Variants in DENND4C observed in about 807,000 individuals in gnomAD.
DENND4C encodes DENN domain-containing protein 4C.
Under a neutral mutation model 203.0 loss-of-function variants are expected in DENND4C, and 108 were observed. The observed-to-expected ratio is 0.53, with a 90% CI of 0.46 to 0.62. The LOEUF (loss-of-function observed/expected upper bound fraction) is 0.62, where lower values mean the gene tolerates loss of function less well. Ranked by LOEUF, DENND4C falls within the 20% of genes least tolerant of loss-of-function variation. The probability of loss-of-function intolerance (pLI) is 0.00; values close to 1 mark genes in which losing one functional copy is unlikely to be tolerated. For missense variants in DENND4C, 2,481 were observed against 2,301.2 expected, an observed-to-expected ratio of 1.08 and a Z score of -1.60; for synonymous variants, 871 against 792.4, an observed-to-expected ratio of 1.10 and a Z score of -1.67.
intron 12 of DENND4C, among the ~76,000 whole-genome samples, chr9:19,320,095 A>G (rs959985088): frequency 4.6e-5 from 7 of 152,346 alleles, no homozygotes; most frequent in Admixed American, 2.0e-4. Context: ...AAATTATTTT[A>G]GTAGCCACAA....
At chr9:19,266,462 A>G (rs1830522133) in intron 1 of DENND4C, among the ~76,000 whole-genome samples, 1 of 152,196 alleles carries the variant, frequency 6.6e-6, no homozygotes, top group African/African-American at 2.4e-5. Flanking sequence ...CTTTAGTTGA[A>G]TTAGATCCCA....
intron 12 of DENND4C, among the ~76,000 whole-genome samples, chr9:19,319,191 A>G (rs573960821): frequency 6.8e-6 from 1 of 147,874 alleles, no homozygotes; most frequent in South Asian, 2.1e-4. Flanking sequence ...GTATATATAT[A>G]CACGTATATA....
At chr9:19,246,891 C>G (rs1011082316) in intron 1 of DENND4C, among the ~76,000 whole-genome samples, 1 of 152,178 alleles carries the variant, frequency 6.6e-6, no homozygotes, top group Non-Finnish European at 1.5e-5. Flanking sequence ...ATTTCTCACA[C>G]ACACCTTTCC....
intron 2 of DENND4C, among the ~76,000 whole-genome samples, chr9:19,279,494 G>T (rs1203330216): frequency 6.6e-6 from 1 of 152,028 alleles, no homozygotes; most frequent in Non-Finnish European, 1.5e-5. Context: ...GTCCAACATG[G>T]TGAAACCCCC....
chr9:19,330,332 G>GTT (rs1818786213), intron 16 of DENND4C, among the ~76,000 whole-genome samples: 8 of 90,786 alleles, frequency 8.8e-5, no homozygotes, highest in Non-Finnish European at 1.4e-4. Context: ...ATACCAAGTT[G>GTT]GTTTTTTTTT....
At chr9:19,295,980 C>A in intron 5 of DENND4C, 28 bp from the exon 6 acceptor site, 1 of 1,516,454 alleles carries the variant, frequency 6.6e-7, no homozygotes, top group Non-Finnish European at 9.0e-7. Context: ...AAACTCAAAT[C>A]TTATAACAGA....
At chr9:19,349,620 A>G (rs1306339972) in intron 23 of DENND4C, among the ~76,000 whole-genome samples, 2 of 152,242 alleles carry the variant, frequency 1.3e-5, no homozygotes, top group African/African-American at 4.8e-5. Context: ...AAAAGTCTAT[A>G]AAATGTTTTT....
chr9:19,288,947 A>G (rs1350372575), intron 4 of DENND4C, among the ~76,000 whole-genome samples: 1 of 152,248 alleles, frequency 6.6e-6, no homozygotes, highest in Non-Finnish European at 1.5e-5. Context: ...TAATAGACTT[A>G]ACAGTATAAT....
intron 3 of DENND4C, among the ~76,000 whole-genome samples, chr9:19,287,344 T>C (rs1835391499): frequency 6.6e-6 from 1 of 152,224 alleles, no homozygotes; most frequent in Non-Finnish European, 1.5e-5. Context: ...AAGCTCTCCT[T>C]ACATTCATTT....
chr9:19,230,761 C>T lies in DENND4C; in HGVS notation c.-90C>T, dbSNP rs1820298901. The T allele has an allele frequency of 2.0e-5, 3 of 152,332 alleles. No individual in the cohort carries two copies. The highest frequency in any genetic ancestry group is 7.2e-5 in the African/African-American group (3 of 41,472). The allele number at this position is 152,332 out of a possible 1,614,324, so 9.4% of individuals were successfully genotyped here. ...CCCTGCCCTGCCGAGCGCGCCCAGTCCGCGAATCCGGTGCTTTCTTGCCCC... is the reference window on the plus strand; with the variant it reads ...CCCTGCCCTGCCGAGCGCGCCCAGTTCGCGAATCCGGTGCTTTCTTGCCCC... On this transcript the variant is annotated 5_prime_UTR_variant, in exon 1 of 33. Coordinates refer to ENST00000434457, the MANE Select transcript of DENND4C (RefSeq NM_001330640.2).
At chr9:19,238,763 C>T (rs1822932413) in intron 1 of DENND4C, among the ~76,000 whole-genome samples, 2 of 147,412 alleles carry the variant, frequency 1.4e-5, no homozygotes, top group East Asian at 2.0e-4. Flanking sequence ...AAGTGATTCT[C>T]CTGCCTCAGC....
intron 1 of DENND4C, among the ~76,000 whole-genome samples, chr9:19,264,550 G>T (rs764970638): frequency 6.6e-6 from 1 of 151,698 alleles, no homozygotes; most frequent in Admixed American, 6.6e-5. Flanking sequence ...CAAGTGATCC[G>T]CCTGCTTTGG....
At chr9:19,328,697 G>A (rs7033676) in intron 16 of DENND4C, among the ~76,000 whole-genome samples, 237 of 129,108 alleles carry the variant, frequency 1.8e-3, no homozygotes, top group Middle Eastern at 8.2e-3. Flanking sequence ...CTATCTATCT[G>A]TCTATCTATC....
chr9:19,315,521 ATGTATATATGTATG>A (rs1399974608), intron 10 of DENND4C, among the ~76,000 whole-genome samples: 2 of 150,974 alleles, frequency 1.3e-5, no homozygotes, highest in African/African-American at 2.4e-5. Flanking sequence ...ATGTATATAC[ATGTATATATGTATG>A]TGTATATATA....
intron 9 of DENND4C, among the ~76,000 whole-genome samples, chr9:19,304,286 G>C (rs989215917): frequency 6.6e-6 from 1 of 150,876 alleles, no homozygotes; most frequent in Non-Finnish European, 1.5e-5. Context: ...CCGGGTTCAA[G>C]CGATTCTCCT....
At chr9:19,242,872 T>A (rs117499257) in intron 1 of DENND4C, among the ~76,000 whole-genome samples, 10,502 of 152,208 alleles carry the variant, frequency 0.069, 507 homozygotes, top group Non-Finnish European at 0.11. Context: ...GCTAGGCTAG[T>A]CTCGATCTCC....
chr9:19,254,878 C>A (rs1290208242), intron 1 of DENND4C, among the ~76,000 whole-genome samples: 3 of 151,976 alleles, frequency 2.0e-5, no homozygotes, highest in East Asian at 1.9e-4. Flanking sequence ...GTGCCTGTAA[C>A]CCCCGCACTT....
intron 13 of DENND4C, among the ~76,000 whole-genome samples, chr9:19,325,321 T>C (rs558960129): frequency 6.6e-6 from 1 of 152,240 alleles, no homozygotes; most frequent in East Asian, 1.9e-4. Flanking sequence ...AATTGATTCT[T>C]GACTTAGTTA....
Position 19,299,211 on chromosome 9 carries a change from C to CTTTT in DENND4C, c.1108-7_1108-4dup. 8 of 1,228,842 alleles carry CTTTT rather than the reference C, an allele frequency of 6.5e-6. No homozygotes were observed. The highest frequency in any genetic ancestry group is 4.4e-6 in the Non-Finnish European group (4 of 911,290). The allele number at this position is 1,228,842 out of a possible 1,614,324, so 76.1% of individuals were successfully genotyped here. A position where few individuals can be genotyped will look rare whatever the true frequency, so the allele number is the denominator to read the frequency against. On this transcript the variant is annotated splice_polypyrimidine_tract_variant and intron_variant, in intron 7 of 32. Transcript: ENST00000434457. ...GTTAATTTATCTTTGGTTAATTTAT[C>CTTTT]TTTTTTTTTTTTTTAAGCTGTCAGT...
Sources: gnomAD v4.1 joint callset for allele counts (sites outside exome capture counted in the v4.1 genomes callset) on GRCh38, gnomAD v4.1.1 for gene constraint, MANE v1.5 for transcripts, NCBI Gene and HGNC (gene_info 2026-07-23, HGNC 2026-07-21) for gene names.